The following TF variants were observed in gnomAD, a reference collection of about 807,000 sequenced individuals.
TF encodes transferrin, also known as serotransferrin.
Under a neutral mutation model 82.4 loss-of-function variants are expected in TF, and 55 were observed. The ratio of observed to expected loss-of-function variants is 0.67; its 90% confidence interval spans 0.54 to 0.84. TF has a LOEUF of 0.84. Among genes scored for constraint, TF ranks in the 40% least tolerant of loss-of-function variants. The pLI is 0.00. For synonymous variants in TF, 332 were observed against 332.6 expected, an observed-to-expected ratio of 1.00 and a Z score of 0.02; for missense variants, 737 against 868.4, an observed-to-expected ratio of 0.85 and a Z score of 1.90.
the TF span, among the ~76,000 whole-genome samples, chr3:133,729,288 C>T: frequency 6.6e-6 from 1 of 152,234 alleles, no homozygotes; most frequent in Non-Finnish European, 1.5e-5. Flanking sequence ...AGGCAGGCCT[C>T]CTTGAGCTGT....
rs200232266 is a variant in TF at position 133,768,088 on chromosome 3, C to T, written c.1546C>T (p.Leu516=). ...GSKKDSSLCK[L]CMGSGLNLCE... Reference sequence around the variant, plus strand: ...TAAGAAAGACTCCAGTCTCTGTAAGCTGTGTATGGGCTCAGGCCTAAACCT... The same window carrying T: ...TAAGAAAGACTCCAGTCTCTGTAAGTTGTGTATGGGCTCAGGCCTAAACCT... Residue 516 remains leucine, a synonymous_variant, in exon 13 of 17, where the codon CTG becomes TTG. Transcript: ENST00000402696. 17 of 1,614,220 alleles carry T rather than the reference C, an allele frequency of 1.1e-5. No individual in the cohort carries two copies. Among genetic ancestry groups the T allele is most frequent in the Non-Finnish European group, 1.4e-5 (16 of 1,180,024 alleles).
the TF span, among the ~76,000 whole-genome samples, chr3:133,708,409 A>G: frequency 2.0e-5 from 3 of 152,180 alleles, no homozygotes; most frequent in Admixed American, 6.5e-5. Context: ...GGGTGCATGT[A>G]TGTAGACATA....
In TF at chr3:133,746,440, G is replaced by A. The variant is rs1345201727; in HGVS notation, c.-1G>A. ...TCGCTGCTCAGCGCCGCACCCGGAA[G>A]ATGAGGCTCGCCGTGGGAGCCCTGC... On this transcript the variant is annotated 5_prime_UTR_variant, in exon 1 of 17. Coordinates refer to ENST00000402696, the MANE Select transcript of TF (RefSeq NM_001063.4). 3 of 1,600,282 alleles carry A rather than the reference G, an allele frequency of 1.9e-6. No individual in the cohort carries two copies. Among genetic ancestry groups the A allele is most frequent in the Non-Finnish European group, 2.5e-6 (3 of 1,176,756 alleles).
the TF span, among the ~76,000 whole-genome samples, chr3:133,668,023 C>G: frequency 6.6e-6 from 1 of 152,202 alleles, no homozygotes; most frequent in South Asian, 2.1e-4. Flanking sequence ...TTCTCTGTTG[C>G]TATCTATGGA....
rs535060140 is a variant in TF at position 133,748,989 on chromosome 3, A to G, written c.216+405A>G. ...AGCCTGGCCAACATGGCGAAACCCC[A>G]TCTCTACTAAAAAATATAAAAATTA... On this transcript the variant is annotated intron_variant, in intron 2 of 16. Coordinates refer to ENST00000402696, the MANE Select transcript of TF (RefSeq NM_001063.4). 7.2e-5 allele frequency among the ~76,000 whole-genome samples: 11 copies of G among 151,942 alleles called. No homozygotes were observed. In the East Asian group the frequency reaches 2.1e-3, roughly 30 times the overall value.
chr3:133,765,765 TTTGCTGC>T (rs1934112006), intron 11 of TF, among the ~76,000 whole-genome samples: 1 of 152,242 alleles, frequency 6.6e-6, no homozygotes, highest in East Asian at 1.9e-4. Context: ...CCAGTATATA[TTTGCTGC>T]TGAAAATGGA....
chr3:133,663,458 C>CA, the TF span, among the ~76,000 whole-genome samples: 3 of 130,088 alleles, frequency 2.3e-5, no homozygotes, highest in Non-Finnish European at 4.9e-5. Flanking sequence ...GCCTTAAAAG[C>CA]AAAAAAACAA....
At chr3:133,692,180 G>C in the TF span, among the ~76,000 whole-genome samples, 1 of 152,238 alleles carries the variant, frequency 6.6e-6, no homozygotes, top group Non-Finnish European at 1.5e-5. Flanking sequence ...CGTCTTCCTT[G>C]TGCTAACCCT....
chr3:133,786,357 G>A lies in TF; in HGVS notation c.*7737G>A, dbSNP rs1447963026. The A allele has an allele frequency of 1.3e-5, 2 of 151,996 alleles. No individual in the cohort carries two copies. Among genetic ancestry groups the A allele is most frequent in the African/African-American group, 4.8e-5 (2 of 41,434 alleles). 9.4% of individuals were successfully genotyped at this position (151,996 alleles called of 1,614,324 possible). ...CTTTTTGTTAAAATTCATATGTAAT[G>A]TTGTTTTGGTTGGGGGGGGTGGCCA... is the stretch of plus-strand genomic sequence containing the variant. On this transcript the variant is annotated 3_prime_UTR_variant, in exon 17 of 17. Coordinates refer to ENST00000402696, the MANE Select transcript of TF (RefSeq NM_001063.4).
chr3:133,738,516 T>G, the TF span, among the ~76,000 whole-genome samples: 1 of 152,122 alleles, frequency 6.6e-6, no homozygotes, highest in Admixed American at 6.5e-5. Context: ...AGAGAGGAAG[T>G]CAAATTCTCT....
At position 133,788,696 on chromosome 3, in the gene TF, G is replaced by A. The variant is rs558871289; in HGVS notation, c.*10076G>A. Reference sequence around the variant, plus strand: ...CCCTTGGTGGGCAGCGCCTAAACACGGAGGCAACCGCAGGTTTCTGGGTGG... The same window carrying A: ...CCCTTGGTGGGCAGCGCCTAAACACAGAGGCAACCGCAGGTTTCTGGGTGG... On this transcript the variant is annotated 3_prime_UTR_variant, in exon 17 of 17. Coordinates refer to ENST00000402696, the MANE Select transcript of TF (RefSeq NM_001063.4). 7.3e-4 allele frequency: 111 copies of A among 152,220 alleles called. 1 individual carries two copies. The highest frequency in any genetic ancestry group is 2.5e-3 in the African/African-American group (103 of 41,512). 9.4% of individuals were successfully genotyped at this position (152,220 alleles called of 1,614,324 possible).
the TF span, among the ~76,000 whole-genome samples, chr3:133,699,187 T>C: frequency 1.3e-5 from 2 of 152,246 alleles, no homozygotes; most frequent in South Asian, 4.1e-4. Flanking sequence ...TCACCATTCC[T>C]ATTAGCAGAG....
At chr3:133,766,251 C>T (rs778652755) in intron 11 of TF, 27 bp from the exon 12 acceptor site, 4 of 1,613,070 alleles carry the variant, frequency 2.5e-6, no homozygotes, top group African/African-American at 1.3e-5. Flanking sequence ...GGTGTTAATA[C>T]ATCCTTTTCT....
intron 14 of TF, chr3:133,770,806 G>A: frequency 3.4e-6 from 2 of 590,168 alleles, no homozygotes. Context: ...TCCCACAGCT[G>A]CAAGCCTTGT....
At chr3:133,717,957 G>A in the TF span, among the ~76,000 whole-genome samples, 7 of 152,212 alleles carry the variant, frequency 4.6e-5, no homozygotes, top group East Asian at 1.2e-3. Context: ...AATCACTGGG[G>A]AAAGAATGAA....
At chr3:133,753,282 C>A (rs1468292249) in intron 2 of TF, among the ~76,000 whole-genome samples, 3 of 152,328 alleles carry the variant, frequency 2.0e-5, no homozygotes, top group Non-Finnish European at 4.4e-5. Flanking sequence ...TCCCACGGAG[C>A]CTGCCAGGTT....
intron 14 of TF, chr3:133,774,626 CTGAG>C (rs1372083341): frequency 1.3e-5 from 2 of 156,888 alleles, no homozygotes; most frequent in Non-Finnish European, 2.8e-5. Context: ...CACTATAAGA[CTGAG>C]TGAGATTTGG....
In TF at chr3:133,784,232, G is replaced by C. The variant is rs1309005951; in HGVS notation, c.*5612G>C. 6.6e-6 allele frequency: 1 copy of C among 152,272 alleles called. No homozygotes were observed. The highest frequency in any genetic ancestry group is 1.5e-5 in the Non-Finnish European group (1 of 68,094). The allele number at this position is 152,272 out of a possible 1,614,324, so 9.4% of individuals were successfully genotyped here. A position where few individuals can be genotyped will look rare whatever the true frequency, so the allele number is the denominator to read the frequency against. ...TCTACCAGACGCTGGTGCTGGAAAA[G>C]AGAAGTGTAAGAATAACTTGCGCCA... On this transcript the variant is annotated 3_prime_UTR_variant, in exon 17 of 17. Transcript: ENST00000402696.
At chr3:133,740,927 T>TTTTTTTTTTTTTC in the TF span, among the ~76,000 whole-genome samples, 1 of 110,132 alleles carries the variant, frequency 9.1e-6, no homozygotes, top group African/African-American at 3.7e-5. Flanking sequence ...TTTTTTTTTT[T>TTTTTTTTTTTTTC]AATTTGAGTA....
Sources: gnomAD v4.1 joint callset for allele counts (sites outside exome capture counted in the v4.1 genomes callset) on GRCh38, gnomAD v4.1.1 for gene constraint, MANE v1.5 for transcripts, NCBI Gene and HGNC (gene_info 2026-07-23, HGNC 2026-07-21) for gene names.